RASA4: variants seen among roughly 807,000 people sequenced by gnomAD.
RASA4 encodes the protein ras GTPase-activating protein 4.
In RASA4, 5 loss-of-function variants were observed where a neutral mutation model predicts 24.0. That is an observed-to-expected ratio of 0.21 (90% CI 0.11 to 0.44). RASA4 has a LOEUF of 0.44. Ranked by LOEUF, RASA4 falls within the 20% of genes least tolerant of loss-of-function variation. The pLI is 0.99. For synonymous variants in RASA4, 9 were observed against 132.7 expected, an observed-to-expected ratio of 0.07 and a Z score of 6.41; for missense variants, 38 against 293.0, an observed-to-expected ratio of 0.13 and a Z score of 6.35.
At chr7:102,610,771 G>C (rs1307596138) in intron 2 of RASA4, among the ~76,000 whole-genome samples, 2 of 140,272 alleles carry the variant, frequency 1.4e-5, no homozygotes, top group Non-Finnish European at 3.2e-5. Context: ...TAAACGGGCT[G>C]GAAAAGGGCT....
intron 16 of RASA4, among the ~76,000 whole-genome samples, chr7:102,590,667 G>A (rs1201333436): frequency 7.0e-5 from 10 of 142,472 alleles, no homozygotes; most frequent in African/African-American, 1.7e-4. Flanking sequence ...CTGACCGGGC[G>A]CAGTGGCTCA....
At chr7:102,591,824 T>C (rs1266120602) in intron 16 of RASA4, among the ~76,000 whole-genome samples, 1 of 146,018 alleles carries the variant, frequency 6.8e-6, no homozygotes, top group East Asian at 2.0e-4. Flanking sequence ...TCGGATCAAC[T>C]TCCTCCATAT....
Position 102,590,795 on chromosome 7 carries a change from C to G in RASA4, c.1831-499G>C, listed in dbSNP as rs575390886. On this transcript the variant is annotated intron_variant, in intron 16 of 20. Transcript: ENST00000262940. ...GTGTCTACTAAAAATACAAAATTAG[C>G]CGGGCATGGTGGCGCATGCCTGTAA... is the stretch of plus-strand genomic sequence containing the variant. 1.2e-4 allele frequency among the ~76,000 whole-genome samples: 17 copies of G among 142,380 alleles called. No individual in the cohort carries two copies. The South Asian group carries it at 3.6e-3, about 30-fold the overall frequency. 93.4% of individuals were successfully genotyped at this position (142,380 alleles called of 152,430 possible).
At chr7:102,589,972 C>CCA in intron 17 of RASA4, among the ~76,000 whole-genome samples, 187 bp downstream of exon 17, 1 of 54,648 alleles carries the variant, frequency 1.8e-5, no homozygotes, top group African/African-American at 4.7e-5. Flanking sequence ...CAGGGCATTC[C>CCA]CATAGCATCC....
intron 16 of RASA4, among the ~76,000 whole-genome samples, chr7:102,590,571 A>G (rs1789928402): frequency 2.2e-5 from 2 of 89,192 alleles, no homozygotes; most frequent in Admixed American, 2.4e-4. Flanking sequence ...CTACAAAGTC[A>G]ATCCGGCCGT....
intron 1 of RASA4, among the ~76,000 whole-genome samples, chr7:102,612,515 C>CTGGGTAAAAGTGGGGAAG (rs1230547726): frequency 2.3e-5 from 2 of 85,218 alleles, no homozygotes; most frequent in East Asian, 6.4e-4. Flanking sequence ...AGGGCTGGTA[C>CTGGGTAAAAGTGGGGAAG]TGGGTAAAAG....
At chr7:102,587,102 AC>A (rs1789794405) in intron 18 of RASA4, among the ~76,000 whole-genome samples, 1 of 386 alleles carries the variant, frequency 2.6e-3, no homozygotes, top group African/African-American at 3.2e-3. Context: ...GTATCAAACA[AC>A]AACAACAACA....
At chr7:102,597,748 CTT>C (rs1790285581) in intron 8 of RASA4, among the ~76,000 whole-genome samples, 1 of 135,076 alleles carries the variant, frequency 7.4e-6, no homozygotes, top group African/African-American at 2.5e-5. Flanking sequence ...GAGTTTCGCT[CTT>C]GTCACCGAGG....
intron 17 of RASA4, among the ~76,000 whole-genome samples, 184 bp downstream of exon 17, chr7:102,589,955 CAGCACCCAGGGCATTCCCAT>C (rs1562792119): frequency 2.0e-4 from 2 of 9,798 alleles, no homozygotes; most frequent in Non-Finnish European, 8.3e-4. Flanking sequence ...GCCATTCCCA[CAGCACCCAGGGCATTCCCAT>C]AGCATCCAGG....
At chr7:102,613,435 AAAGGCCT>A in intron 1 of RASA4, among the ~76,000 whole-genome samples, 1 of 101,166 alleles carries the variant, frequency 9.9e-6, no homozygotes, top group South Asian at 4.4e-4. Flanking sequence ...TACTGCTTCC[AAAGGCCT>A]GGAAGCAGGA....
Position 102,606,407 on chromosome 7 carries a change from A to AT in RASA4, c.299-421_299-420insA, listed in dbSNP as rs1586854861. 7.4e-4 allele frequency among the ~76,000 whole-genome samples: 15 copies of AT among 20,256 alleles called. No individual in the cohort carries two copies. In the South Asian group the frequency reaches 0.012, roughly 16 times the overall value. 13.3% of individuals were successfully genotyped at this position (20,256 alleles called of 152,430 possible). A position where few individuals can be genotyped will look rare whatever the true frequency, so the allele number is the denominator to read the frequency against. ...CAAGACCCCATCTCAAAAAAAAAAA[A>AT]AAAAAAAAAAAAAAAAGATGGAGTC... On this transcript the variant is annotated intron_variant, in intron 4 of 20. Transcript: ENST00000262940.
intron 8 of RASA4, 145 bp downstream of exon 8, chr7:102,599,715 G>A (rs1790365447): frequency 1.8e-5 from 5 of 283,616 alleles, no homozygotes; most frequent in African/African-American, 6.9e-5. Flanking sequence ...CTGGCTAGGT[G>A]GGCAGGGGCT....
intron 8 of RASA4, among the ~76,000 whole-genome samples, chr7:102,596,343 GCA>G (rs1200297045): frequency 1.8e-4 from 26 of 143,248 alleles, no homozygotes; most frequent in Non-Finnish European, 3.8e-4. Context: ...TGCACTCAAG[GCA>G]CCTCTATCTG....
intron 11 of RASA4, among the ~76,000 whole-genome samples, chr7:102,594,887 G>A (rs1397976054): frequency 1.7e-5 from 1 of 57,612 alleles, no homozygotes; most frequent in African/African-American, 3.8e-5. Flanking sequence ...TCTTTGGGGG[G>A]GGGGGGTGCG....
chr7:102,603,796 A>C (rs1361160545), intron 5 of RASA4, among the ~76,000 whole-genome samples: 7 of 149,510 alleles, frequency 4.7e-5, no homozygotes, highest in African/African-American at 1.5e-4. Context: ...AGCCAAGAAA[A>C]CGCCACTGCA....
At chr7:102,603,186 C>G (rs1437709002) in intron 5 of RASA4, among the ~76,000 whole-genome samples, 1 of 140,494 alleles carries the variant, frequency 7.1e-6, no homozygotes, top group Non-Finnish European at 1.6e-5. Flanking sequence ...CCGTCGAACT[C>G]CTGACCTCAG....
intron 2 of RASA4, among the ~76,000 whole-genome samples, chr7:102,609,663 ATTTAT>A (rs1157870101): frequency 2.1e-5 from 1 of 47,734 alleles, no homozygotes; most frequent in African/African-American, 1.2e-4. Context: ...TCTGGCTGTT[ATTTAT>A]TTTATTTTAT....
chr7:102,581,242 G>A lies in RASA4; in HGVS notation c.*1529C>T, dbSNP rs1316988222. 1.3e-5 allele frequency: 2 copies of A among 150,886 alleles called. No individual in the cohort carries two copies. Among genetic ancestry groups the A allele is most frequent in the Admixed American group, 6.6e-5 (1 of 15,164 alleles). 9.3% of individuals were successfully genotyped at this position (150,886 alleles called of 1,614,324 possible). A position where few individuals can be genotyped will look rare whatever the true frequency, so the allele number is the denominator to read the frequency against. On this transcript the variant is annotated 3_prime_UTR_variant, in exon 21 of 21. Coordinates refer to ENST00000262940, the MANE Select transcript of RASA4 (RefSeq NM_006989.6). Reference sequence around the variant, plus strand: ...CCGGGGGAGGAAGGAGGTTGGCTGAGCCAGGTCTGGGGGCCTCAGGGACTT... The same window carrying A: ...CCGGGGGAGGAAGGAGGTTGGCTGAACCAGGTCTGGGGGCCTCAGGGACTT...
Position 102,580,312 on chromosome 7 carries a change from CAGT to C in RASA4, c.*2456_*2458del, listed in dbSNP as rs1247582032. 8.4e-6 allele frequency: 1 copy of C among 118,552 alleles called. No individual in the cohort carries two copies. Among genetic ancestry groups the C allele is most frequent in the Non-Finnish European group, 1.8e-5 (1 of 54,474 alleles). 7.3% of individuals were successfully genotyped at this position (118,552 alleles called of 1,614,324 possible). ...TTTTAACCATTTTAAGTGTTTAACT[CAGT>C]GGTGTTAATTACATTCACAATGTGT... On this transcript the variant is annotated 3_prime_UTR_variant, in exon 21 of 21. Coordinates refer to ENST00000262940, the MANE Select transcript of RASA4 (RefSeq NM_006989.6).
Sources: allele counts gnomAD v4.1 joint callset (sites outside exome capture counted in the v4.1 genomes callset), GRCh38; gene constraint gnomAD v4.1.1; transcripts MANE v1.5; gene names NCBI Gene and HGNC (gene_info 2026-07-23, HGNC 2026-07-21).